The following PLAC1 variants were observed in gnomAD, a reference collection of about 807,000 sequenced individuals.
The protein encoded by PLAC1 is placenta associated 1.
For missense variants in PLAC1, 136 were observed against 163.2 expected, an observed-to-expected ratio of 0.83 and a Z score of 0.91; for synonymous variants, 68 against 62.1, an observed-to-expected ratio of 1.09 and a Z score of -0.44.
At chrX:134,723,840 G>A (rs1202033192) in intron 2 of PLAC1, among the ~76,000 whole-genome samples, 1 of 111,290 alleles carries the variant, frequency 9.0e-6, no homozygotes, top group Non-Finnish European at 1.9e-5. Context: ...AAACATCTTT[G>A]CAACCATTTA....
At chrX:134,681,932 G>A (rs1334527043) in intron 2 of PLAC1, among the ~76,000 whole-genome samples, 1 of 111,700 alleles carries the variant, frequency 9.0e-6, no homozygotes, top group Non-Finnish European at 1.9e-5. Context: ...CCAGCTTTTT[G>A]TTTTAAAATG....
At chrX:134,634,138 G>C (rs1446015629) in intron 1 of PLAC1, among the ~76,000 whole-genome samples, 1 of 111,635 alleles carries the variant, frequency 9.0e-6, no homozygotes, top group Non-Finnish European at 1.9e-5. Context: ...TCTATAAAGG[G>C]GGAAAAAAAC....
At chrX:134,575,496 G>A (rs757613445) in intron 2 of PLAC1, among the ~76,000 whole-genome samples, 7 of 109,356 alleles carry the variant, frequency 6.4e-5, no homozygotes, top group East Asian at 2.9e-4. Flanking sequence ...TGAGCCGGGC[G>A]CAGTGGCTCA....
intron 2 of PLAC1, among the ~76,000 whole-genome samples, chrX:134,584,974 AAAC>A (rs1230172368): frequency 1.8e-5 from 2 of 110,741 alleles, no homozygotes; most frequent in Non-Finnish European, 3.8e-5. Flanking sequence ...AAATAAATAA[AAAC>A]AACAAGGAAT....
At chrX:134,613,566 C>T (rs1031070918) in intron 1 of PLAC1, among the ~76,000 whole-genome samples, 4 of 111,302 alleles carry the variant, frequency 3.6e-5, no homozygotes, top group Admixed American at 1.9e-4. Context: ...CTCTCCTTTG[C>T]AAGCTGTCTT....
intron 1 of PLAC1, among the ~76,000 whole-genome samples, chrX:134,741,963 C>G (rs1386469005): frequency 9.0e-6 from 1 of 111,352 alleles, no homozygotes; most frequent in Non-Finnish European, 1.9e-5. Flanking sequence ...GCCTAAATTC[C>G]CTCAGCAGGA....
chrX:134,727,290 C>T (rs1262705048), intron 2 of PLAC1, among the ~76,000 whole-genome samples: 1 of 112,142 alleles, frequency 8.9e-6, no homozygotes, highest in African/African-American at 3.2e-5. Flanking sequence ...AAAAAGGGAG[C>T]CTTTAACGCC....
chrX:134,753,331 G>A (rs779676051), intron 1 of PLAC1, among the ~76,000 whole-genome samples: 58 of 111,464 alleles, frequency 5.2e-4, no homozygotes, highest in Non-Finnish European at 1.0e-3. Context: ...TTCATGTCAC[G>A]AAGTTGCATG....
intron 2 of PLAC1, among the ~76,000 whole-genome samples, chrX:134,680,608 C>CTAAACTAAACTAA (rs1569403933): frequency 1.8e-5 from 2 of 111,053 alleles, no homozygotes; most frequent in African/African-American, 3.3e-5. Context: ...CTAAACTAAA[C>CTAAACTAAACTAA]ACCTTCCTTC....
At chrX:134,691,579 G>A (rs1411779031) in intron 2 of PLAC1, among the ~76,000 whole-genome samples, 3 of 111,980 alleles carry the variant, frequency 2.7e-5, no homozygotes, top group Non-Finnish European at 3.8e-5. Flanking sequence ...AATAAGGCTT[G>A]TCTCATCACA....
chrX:134,744,422 C>T (rs2147848773), intron 1 of PLAC1, among the ~76,000 whole-genome samples: 1 of 111,860 alleles, frequency 8.9e-6, no homozygotes, highest in East Asian at 2.8e-4. Flanking sequence ...CAGGTGACCC[C>T]GCCACTTATT....
intron 2 of PLAC1, among the ~76,000 whole-genome samples, chrX:134,692,645 G>C (rs1467863912): frequency 1.8e-5 from 2 of 112,082 alleles, no homozygotes; most frequent in African/African-American, 6.5e-5. Flanking sequence ...TCCTGTCTAA[G>C]GGACACGTTG....
chrX:134,679,357 A>G (rs1011499771), intron 2 of PLAC1, among the ~76,000 whole-genome samples: 30 of 110,827 alleles, frequency 2.7e-4, no homozygotes, highest in African/African-American at 9.9e-4. Context: ...CTAGAGCTCC[A>G]CATCTGGAAG....
At chrX:134,642,469 A>G (rs2078312061) in intron 1 of PLAC1, among the ~76,000 whole-genome samples, 1 of 110,927 alleles carries the variant, frequency 9.0e-6, no homozygotes, top group African/African-American at 3.3e-5. Context: ...TGAACCAGAC[A>G]CGGTCCCTGC....
chrX:134,695,614 T>G (rs1477443680), intron 2 of PLAC1, among the ~76,000 whole-genome samples: 2 of 112,530 alleles, frequency 1.8e-5, no homozygotes, highest in African/African-American at 6.5e-5. Flanking sequence ...CTTTAGAGGC[T>G]AAGCCCAGTC....
chrX:134,665,128 GTGTA>G (rs2078432276), intron 2 of PLAC1, among the ~76,000 whole-genome samples: 1 of 110,016 alleles, frequency 9.1e-6, no homozygotes. Context: ...GTGTGTTTGT[GTGTA>G]TGTGTGTTTG....
chrX:134,741,488 A>C (rs1489676398), intron 1 of PLAC1, among the ~76,000 whole-genome samples: 1 of 111,539 alleles, frequency 9.0e-6, no homozygotes, highest in East Asian at 2.8e-4. Flanking sequence ...TGGATAAGGA[A>C]TAGACATACC....
At chrX:134,696,960 G>A (rs1347819580) in intron 2 of PLAC1, among the ~76,000 whole-genome samples, 1 of 108,061 alleles carries the variant, frequency 9.3e-6, no homozygotes, top group Non-Finnish European at 1.9e-5. Flanking sequence ...GTGAACCCGG[G>A]AGGCGGAGCT....
intron 2 of PLAC1, among the ~76,000 whole-genome samples, chrX:134,691,947 T>A (rs1044878890): frequency 8.9e-6 from 1 of 112,225 alleles, no homozygotes. Context: ...CTAACCAGAA[T>A]CCATTTCAAG....
Sources: gnomAD v4.1 joint callset for allele counts (sites outside exome capture counted in the v4.1 genomes callset) on GRCh38, gnomAD v4.1.1 for gene constraint, MANE v1.5 for transcripts, NCBI Gene and HGNC (gene_info 2026-07-23, HGNC 2026-07-21) for gene names.